GSR: variants seen among roughly 807,000 people sequenced by gnomAD.
GSR encodes the protein glutathione-disulfide reductase, also known as glutathione reductase, mitochondrial.
In GSR, 48 loss-of-function variants were observed where a neutral mutation model predicts 56.5. That is an observed-to-expected ratio of 0.85 (90% confidence interval 0.67 to 1.08). The LOEUF is 1.08. Ranked by LOEUF, GSR falls within the 50% of genes least tolerant of loss-of-function variation. GSR has a pLI of 0.00. For missense variants in GSR, 694 were observed against 703.3 expected (o/e 0.99, Z 0.15); for synonymous variants, 264 against 270.8 (o/e 0.97, Z 0.25).
intron 6 of GSR, among the ~76,000 whole-genome samples, chr8:30,697,831 A>C (rs1183184082): frequency 6.6e-6 from 1 of 152,166 alleles, no homozygotes; most frequent in Non-Finnish European, 1.5e-5. Context: ...CAAGACTACC[A>C]GCATGTGCCA....
At chr8:30,702,160 A>G (rs2128744105) in intron 5 of GSR, among the ~76,000 whole-genome samples, 1 of 152,108 alleles carries the variant, frequency 6.6e-6, no homozygotes, top group East Asian at 1.9e-4. Context: ...TGTCTCTACT[A>G]AAGTACATAA....
At chr8:30,722,673 A>C (rs1176133232) in intron 1 of GSR, among the ~76,000 whole-genome samples, 1 of 149,996 alleles carries the variant, frequency 6.7e-6, no homozygotes, top group Non-Finnish European at 1.5e-5. Flanking sequence ...TCAAGGTTGC[A>C]GTGAGCTATG....
At chr8:30,690,149 T>G (rs1213637483) in intron 8 of GSR, among the ~76,000 whole-genome samples, 1 of 124,200 alleles carries the variant, frequency 8.1e-6, no homozygotes, top group African/African-American at 2.8e-5. Flanking sequence ...TACATATAAA[T>G]AAAATAATAT....
chr8:30,712,142 A>G, intron 1 of GSR, 54 bp from the exon 2 acceptor site: 1 of 977,156 alleles, frequency 1.0e-6, no homozygotes, highest in Non-Finnish European at 1.6e-6. Flanking sequence ...AAACCATCAA[A>G]CGAAATCTGC....
At position 30,696,420 on chromosome 8, in the gene GSR, G is replaced by T. The variant is rs200120959; in HGVS notation, c.755C>A (p.Ala252Asp). 3.7e-4 allele frequency: 601 copies of T among 1,612,808 alleles called. No homozygotes were observed. Among genetic ancestry groups the T allele is most frequent in the Non-Finnish European group, 4.9e-4 (572 of 1,178,926 alleles). The change falls in exon 7 of 13, where the codon GCC (alanine) becomes GAC (aspartate). Residue 252 changes from alanine (A) to aspartate (D), a missense_variant. By Grantham distance (126) the Ala-to-Asp change is moderately radical. Transcript: ENST00000221130. ...CATCAGTGATGTCTTAGAACCCAGG[G>T]CTGACAGGATCCCTGCCATCTCCAC... ...IAVEMAGILS[A>D]LGSKTSLMIR... is the part of the protein sequence containing the mutation.
intron 1 of GSR, among the ~76,000 whole-genome samples, chr8:30,725,978 A>G (rs907743612): frequency 6.6e-6 from 1 of 152,122 alleles, no homozygotes; most frequent in African/African-American, 2.4e-5. Context: ...GAAGACAGAG[A>G]AAATGTGGAG....
chr8:30,702,128 T>G (rs1426850333), intron 5 of GSR, among the ~76,000 whole-genome samples: 1 of 151,940 alleles, frequency 6.6e-6, no homozygotes, highest in African/African-American at 2.4e-5. Context: ...GGTGGGCCCA[T>G]GTGACCAACA....
chr8:30,679,499 GC>G lies in GSR; in HGVS notation c.*20del. On this transcript the variant is annotated 3_prime_UTR_variant, in exon 13 of 13. Transcript: ENST00000221130. Reference sequence around the variant, plus strand: ...AGAAGATCTATGGGTCCCACTGCCCGCCACACGTGTCTCCTGGTTCTCAACG... The same window carrying G: ...AGAAGATCTATGGGTCCCACTGCCCGCACACGTGTCTCCTGGTTCTCAACG... 1.2e-6 allele frequency: 2 copies of G among 1,611,394 alleles called. No homozygotes were observed. The highest frequency in any genetic ancestry group is 8.5e-7 in the Non-Finnish European group (1 of 1,177,674).
chr8:30,697,938 G>A (rs373994855), intron 6 of GSR, among the ~76,000 whole-genome samples: 12 of 152,014 alleles, frequency 7.9e-5, no homozygotes, highest in South Asian at 6.2e-4. Context: ...AAATTCGCTC[G>A]CCTCAGGCCT....
chr8:30,714,429 G>C (rs944654338), intron 1 of GSR, among the ~76,000 whole-genome samples: 4 of 151,734 alleles, frequency 2.6e-5, no homozygotes, highest in Non-Finnish European at 5.9e-5. Flanking sequence ...TTAAACTCCT[G>C]AGCTCAAGTG....
chr8:30,707,152 T>C (rs1194139011), intron 4 of GSR: 1 of 152,164 alleles, frequency 6.6e-6, no homozygotes, highest in Non-Finnish European at 1.5e-5. Flanking sequence ...AAACACACAA[T>C]GGCAGGTTTT....
chr8:30,717,458 G>A (rs1055708782), intron 1 of GSR, among the ~76,000 whole-genome samples: 20 of 151,936 alleles, frequency 1.3e-4, no homozygotes, highest in African/African-American at 4.6e-4. Flanking sequence ...TGCAGCAGGA[G>A]GTGAGTGGCG....
intron 1 of GSR, among the ~76,000 whole-genome samples, chr8:30,725,575 A>G (rs1465357893): frequency 2.0e-5 from 3 of 150,520 alleles, no homozygotes; most frequent in East Asian, 4.0e-4. Flanking sequence ...AAAAATAGAT[A>G]AATACATTTT....
At chr8:30,726,942 G>A (rs1039438772) in intron 1 of GSR, 10 of 152,150 alleles carry the variant, frequency 6.6e-5, no homozygotes, top group African/African-American at 2.4e-4. Flanking sequence ...AAATCCCAAA[G>A]CCCAGGCTGC....
chr8:30,696,319 A>G, intron 7 of GSR, 61 bp downstream of exon 7: 2 of 1,187,880 alleles, frequency 1.7e-6, no homozygotes, highest in South Asian at 1.2e-5. Flanking sequence ...CAACATAAGA[A>G]AAAATTCTTC....
chr8:30,716,456 C>G (rs1173779813), intron 1 of GSR, among the ~76,000 whole-genome samples: 3 of 152,200 alleles, frequency 2.0e-5, no homozygotes, highest in African/African-American at 7.2e-5. Flanking sequence ...CTTTTAGAGG[C>G]CTATTTACAT....
At chr8:30,708,014 G>T in intron 4 of GSR, 58 bp downstream of exon 4, 3 of 1,043,432 alleles carry the variant, frequency 2.9e-6, no homozygotes, top group Non-Finnish European at 3.0e-6. Flanking sequence ...GCAAGACTTA[G>T]CTGAGTACTC....
At chr8:30,681,174 T>C in intron 11 of GSR, 137 bp from the exon 12 acceptor site, 2 of 754,180 alleles carry the variant, frequency 2.7e-6, no homozygotes, top group Non-Finnish European at 4.7e-6. Context: ...ATGAGAAGTA[T>C]TCTACAAAAT....
Position 30,679,455 on chromosome 8 carries a change from T to C in GSR, c.*65A>G. On this transcript the variant is annotated 3_prime_UTR_variant, in exon 13 of 13. Transcript: ENST00000221130. Reference sequence around the variant, plus strand: ...ATAAAACTCAAACAGTAAGTCAATGTGATTATTTGTTTCATTTCAGAAGAT... The same window carrying C: ...ATAAAACTCAAACAGTAAGTCAATGCGATTATTTGTTTCATTTCAGAAGAT... The C allele has an allele frequency of 2.1e-6, 3 of 1,443,484 alleles. No homozygotes were observed. The highest frequency in any genetic ancestry group is 2.9e-6 in the Non-Finnish European group (3 of 1,027,398). 89.4% of individuals were successfully genotyped at this position (1,443,484 alleles called of 1,614,324 possible). A position where few individuals can be genotyped will look rare whatever the true frequency, so the allele number is the denominator to read the frequency against.
Sources: allele counts gnomAD v4.1 joint callset (sites outside exome capture counted in the v4.1 genomes callset), GRCh38; gene constraint gnomAD v4.1.1; transcripts MANE v1.5; gene names NCBI Gene and HGNC (gene_info 2026-07-23, HGNC 2026-07-21).